TENM2: variants seen among roughly 807,000 people sequenced by gnomAD.
TENM2 encodes teneurin-2.
A neutral mutation model predicts 245.2 loss-of-function variants in TENM2; 52 were observed. That is an observed-to-expected ratio of 0.21 (90% confidence interval 0.17 to 0.27). The LOEUF (loss-of-function observed/expected upper bound fraction) is 0.27, where lower values mean the gene tolerates loss of function less well. Ranked by LOEUF, TENM2 falls within the 10% of genes least tolerant of loss-of-function variation. The pLI, the probability that TENM2 is intolerant of heterozygous loss-of-function variation, is 1.00. For synonymous variants in TENM2, 1,363 were observed against 1,438.9 expected, an observed-to-expected ratio of 0.95 and a Z score of 1.19; for missense variants, 3,046 against 3,666.8, an observed-to-expected ratio of 0.83 and a Z score of 4.37.
At chr5:167,632,856 C>T (rs1182756348) in intron 2 of TENM2, among the ~76,000 whole-genome samples, 1 of 152,146 alleles carries the variant, frequency 6.6e-6, no homozygotes, top group African/African-American at 2.4e-5. Flanking sequence ...CACAAACAAA[C>T]AAACATAAGT....
chr5:167,512,496 C>T (rs915245098), intron 2 of TENM2, among the ~76,000 whole-genome samples: 3 of 152,182 alleles, frequency 2.0e-5, no homozygotes, highest in African/African-American at 7.2e-5. Context: ...TCCCTACACT[C>T]CGAGGGATGT....
the TENM2 span, among the ~76,000 whole-genome samples, chr5:167,035,679 T>C: frequency 1.3e-5 from 2 of 152,210 alleles, no homozygotes. Flanking sequence ...GGGCTTGTAT[T>C]CAAAGTGGGA....
intron 1 of TENM2, among the ~76,000 whole-genome samples, chr5:167,334,122 T>C (rs1757620011): frequency 6.6e-6 from 1 of 152,200 alleles, no homozygotes; most frequent in Non-Finnish European, 1.5e-5. Context: ...TGTTCCACCA[T>C]ACCCTGATAA....
chr5:168,099,040 G>T (rs1005845737), intron 9 of TENM2, among the ~76,000 whole-genome samples: 15 of 152,020 alleles, frequency 9.9e-5, no homozygotes, highest in African/African-American at 3.6e-4. Flanking sequence ...CTCCCAAGTA[G>T]CTGGAATTAC....
intron 2 of TENM2, among the ~76,000 whole-genome samples, chr5:167,388,745 T>A (rs1156644557): frequency 6.6e-6 from 1 of 152,130 alleles, no homozygotes; most frequent in Non-Finnish European, 1.5e-5. Context: ...CCATCGCGAT[T>A]TCATTTTTGA....
At chr5:167,410,519 T>C (rs1762849569) in intron 2 of TENM2, among the ~76,000 whole-genome samples, 1 of 150,850 alleles carries the variant, frequency 6.6e-6, no homozygotes, top group Non-Finnish European at 1.5e-5. Flanking sequence ...GAATAAATTA[T>C]TATAGAGAAT....
chr5:167,625,469 A>G (rs1313263083), intron 2 of TENM2, among the ~76,000 whole-genome samples: 1 of 152,208 alleles, frequency 6.6e-6, no homozygotes, highest in African/African-American at 2.4e-5. Context: ...TAGGGACTTT[A>G]TTTAAAACAA....
intron 2 of TENM2, among the ~76,000 whole-genome samples, chr5:167,815,162 G>A (rs914955958): frequency 3.3e-5 from 5 of 152,148 alleles, no homozygotes; most frequent in African/African-American, 9.6e-5. Context: ...AATCTGACAT[G>A]TCGTATTAAC....
Position 168,119,451 on chromosome 5 carries a change from A to G in TENM2, c.2008+965A>G, listed in dbSNP as rs140257342. ...ATTTCAGATAAATTATTTTGTGCCA[A>G]TATGTTGGGACTGACTTGCAGTAGC... On this transcript the variant is annotated intron_variant, in intron 10 of 28. Transcript: ENST00000518659. 8.5e-5 allele frequency among the ~76,000 whole-genome samples: 13 copies of G among 152,318 alleles called. No individual in the cohort carries two copies. In the East Asian group the frequency reaches 2.5e-3, roughly 29 times the overall value.
intron 2 of TENM2, among the ~76,000 whole-genome samples, chr5:167,655,850 A>G (rs1174621617): frequency 1.3e-5 from 2 of 152,172 alleles, no homozygotes; most frequent in East Asian, 3.8e-4. Context: ...AACACAAAAT[A>G]CTATCCTAAA....
At chr5:167,244,838 A>G in the TENM2 span, among the ~76,000 whole-genome samples, 2 of 152,094 alleles carry the variant, frequency 1.3e-5, no homozygotes, top group Non-Finnish European at 2.9e-5. Context: ...TGTGGCCTAA[A>G]TGAGCTGTGT....
intron 1 of TENM2, among the ~76,000 whole-genome samples, chr5:167,322,369 A>C (rs1343611021): frequency 2.0e-5 from 3 of 152,030 alleles, no homozygotes; most frequent in Non-Finnish European, 4.4e-5. Flanking sequence ...CCGTGGAGAG[A>C]GAATCTCTGC....
At chr5:167,061,890 G>T in the TENM2 span, among the ~76,000 whole-genome samples, 4 of 151,000 alleles carry the variant, frequency 2.6e-5, no homozygotes, top group Non-Finnish European at 5.9e-5. Flanking sequence ...AGGCACAGCT[G>T]TCAAGATAAT....
At chr5:168,262,546 C>T (rs757700652) in exon 29 of TENM2, 74 of 1,558,204 alleles carry the variant, frequency 4.7e-5, no homozygotes, top group Admixed American at 2.1e-4. Flanking sequence ...CCCCCGACAC[C>T]CTGGACGAAG....
At chr5:167,745,246 C>T (rs551584756) in intron 2 of TENM2, among the ~76,000 whole-genome samples, 5 of 152,304 alleles carry the variant, frequency 3.3e-5, no homozygotes, top group South Asian at 2.1e-4. Flanking sequence ...TGTCCAGGCC[C>T]GCATTTCTGC....
chr5:167,452,948 T>TATATATATATATATATATTTATTTTAA (rs10627779), intron 2 of TENM2, among the ~76,000 whole-genome samples: 2 of 47,510 alleles, frequency 4.2e-5, no homozygotes, highest in Non-Finnish European at 8.1e-5. Context: ...TATATATATA[T>TATATATATATATATATATTTATTTTAA]ATATATATAT....
chr5:167,093,550 G>A, the TENM2 span, among the ~76,000 whole-genome samples: 5 of 152,126 alleles, frequency 3.3e-5, 1 homozygote, highest in Non-Finnish European at 2.9e-5. Context: ...GGCTAGTCGC[G>A]ACAGCATATG....
At chr5:168,130,889 C>CA (rs927417589) in intron 12 of TENM2, among the ~76,000 whole-genome samples, 19 of 151,558 alleles carry the variant, frequency 1.3e-4, no homozygotes, top group Non-Finnish European at 2.2e-4. Context: ...GATCCTGTCT[C>CA]AAAAAAAATA....
At chr5:167,045,919 T>C in the TENM2 span, among the ~76,000 whole-genome samples, 1 of 152,212 alleles carries the variant, frequency 6.6e-6, no homozygotes, top group South Asian at 2.1e-4. Flanking sequence ...GAATTAGTAA[T>C]GTCAGAGGGA....
Sources: gnomAD v4.1 joint callset for allele counts (sites outside exome capture counted in the v4.1 genomes callset) on GRCh38, gnomAD v4.1.1 for gene constraint, MANE v1.5 for transcripts, NCBI Gene and HGNC (gene_info 2026-07-23, HGNC 2026-07-21) for gene names.